Variants in SIDT1 observed in about 807,000 individuals in gnomAD.
SIDT1 encodes the protein SID1 transmembrane family, member 1.
SIDT1 carries 101 observed loss-of-function variants against 107.5 expected under a neutral mutation model. The observed-to-expected ratio is 0.94, with a 90% CI of 0.80 to 1.11. The LOEUF (loss-of-function observed/expected upper bound fraction) is 1.11. Among genes scored for constraint, SIDT1 ranks in the 50% least tolerant of loss-of-function variants. The probability of loss-of-function intolerance (pLI) is 0.00; values close to 1 mark genes in which losing one functional copy is unlikely to be tolerated. For missense variants in SIDT1, 1,076 were observed against 1,058.2 expected (o/e 1.02, Z -0.23); for synonymous variants, 395 against 398.2 (o/e 0.99, Z 0.10).
At chr3:113,550,438 T>C (rs1219098657) in intron 1 of SIDT1, among the ~76,000 whole-genome samples, 1 of 152,188 alleles carries the variant, frequency 6.6e-6, no homozygotes, top group East Asian at 1.9e-4. Context: ...AGAGTTCCAG[T>C]GGTGGAAATC....
chr3:113,603,481 C>T (rs1945107506), intron 12 of SIDT1, among the ~76,000 whole-genome samples: 1 of 152,104 alleles, frequency 6.6e-6, no homozygotes, highest in Non-Finnish European at 1.5e-5. Context: ...GGAAAGCTCC[C>T]CGGTTCTGTG....
intron 7 of SIDT1, among the ~76,000 whole-genome samples, chr3:113,584,188 G>C (rs1300672755): frequency 6.6e-6 from 1 of 152,132 alleles, no homozygotes; most frequent in Admixed American, 6.5e-5. Context: ...TTAATGTTTA[G>C]GTGAAATTTC....
rs1393970859 is a variant in SIDT1 at position 113,593,193 on chromosome 3, G to A, written c.1045+145G>A. 4 of 759,940 alleles carry A rather than the reference G, an allele frequency of 5.3e-6. No homozygotes were observed. In the Admixed American group the frequency reaches 5.8e-5, roughly 11 times the overall value. 47.1% of individuals were successfully genotyped at this position (759,940 alleles called of 1,614,324 possible). A position where few individuals can be genotyped will look rare whatever the true frequency, so the allele number is the denominator to read the frequency against. On this transcript the variant is annotated intron_variant, in intron 10 of 24. Coordinates refer to ENST00000264852, the MANE Select transcript of SIDT1 (RefSeq NM_017699.3). ...CCGCAGAGTAGTCTAGCCTGCAGTT[G>A]GAAAGCAAAGCTAGTGAAAACCAAT...
At chr3:113,579,591 A>T (rs559317431) in intron 4 of SIDT1, among the ~76,000 whole-genome samples, 1 of 152,224 alleles carries the variant, frequency 6.6e-6, no homozygotes, top group South Asian at 2.1e-4. Context: ...TTCTGAGATA[A>T]TTTTTCCCCA....
intron 1 of SIDT1, among the ~76,000 whole-genome samples, chr3:113,543,463 G>A (rs1939183854): frequency 6.6e-6 from 1 of 152,102 alleles, no homozygotes; most frequent in Non-Finnish European, 1.5e-5. Flanking sequence ...CCTTTCGTCT[G>A]CTTCTACCCA....
Position 113,580,996 on chromosome 3 carries a change from G to A in SIDT1, c.663+287G>A, listed in dbSNP as rs542334487. On this transcript the variant is annotated intron_variant, in intron 5 of 24. Coordinates refer to ENST00000264852, the MANE Select transcript of SIDT1 (RefSeq NM_017699.3). ...AACAAGGAACCAGGAAGACCAAGTT[G>A]TGGGCTCCGCGAGAAAGCTAAAATT... 2.0e-5 allele frequency among the ~76,000 whole-genome samples: 3 copies of A among 152,296 alleles called. No individual in the cohort carries two copies. The South Asian group carries it at 6.2e-4, about 32-fold the overall frequency.
chr3:113,569,477 T>C (rs1438477695), intron 3 of SIDT1, among the ~76,000 whole-genome samples: 3 of 152,226 alleles, frequency 2.0e-5, no homozygotes, highest in Non-Finnish European at 4.4e-5. Flanking sequence ...TCTCCTTAAA[T>C]TTAAGGCAGT....
At chr3:113,603,231 C>G (rs1945088918) in intron 12 of SIDT1, 81 bp downstream of exon 12, 13 of 1,429,316 alleles carry the variant, frequency 9.1e-6, no homozygotes, top group Middle Eastern at 1.8e-4. Flanking sequence ...CCTCAGTTTC[C>G]TTTATTTTGT....
At chr3:113,561,030 T>C (rs1463600879) in intron 1 of SIDT1, among the ~76,000 whole-genome samples, 1 of 152,206 alleles carries the variant, frequency 6.6e-6, no homozygotes, top group Non-Finnish European at 1.5e-5. Flanking sequence ...AGTGTTCTTG[T>C]TGTCATGACA....
rs555216128 is a variant in SIDT1, at chr3:113,626,242, CT to C, written c.2421+30del. ...TGAGTTCATATCTATCTTTTTGTGA[CT>C]TTCTTCTCTCTTTACATCTTGTACT... On this transcript the variant is annotated intron_variant, in intron 24 of 24. Transcript: ENST00000264852. 2.8e-6 allele frequency: 4 copies of C among 1,453,472 alleles called. No individual in the cohort carries two copies. The South Asian group carries it at 4.6e-5, about 17-fold the overall frequency. The allele number at this position is 1,453,472 out of a possible 1,614,324, so 90.0% of individuals were successfully genotyped here. A position where few individuals can be genotyped will look rare whatever the true frequency, so the allele number is the denominator to read the frequency against.
Position 113,623,626 on chromosome 3 carries a change from C to G in SIDT1, c.2200C>G (p.Arg734Gly). The change falls in exon 23 of 25, where the codon CGC (arginine) becomes GGC (glycine). Residue 734 changes from arginine to glycine, a missense_variant. Arg to Gly is a moderately radical substitution (Grantham distance 125). Transcript: ENST00000264852. ...GCATCTGCTTCTCCTCCCACAGCTC[C>G]GCAGCTCTGAAAAGGTCCTCCCAGT... ...YLAFYIIMKL[R>G]SSEKVLPVPL... is the part of the protein sequence containing the mutation. 1 of 1,613,232 alleles carries G rather than the reference C, an allele frequency of 6.2e-7. No individual in the cohort carries two copies. The highest frequency in any genetic ancestry group is 8.5e-7 in the Non-Finnish European group (1 of 1,179,222).
intron 10 of SIDT1, among the ~76,000 whole-genome samples, chr3:113,598,375 C>T (rs1322697736): frequency 6.6e-6 from 1 of 152,190 alleles, no homozygotes; most frequent in African/African-American, 2.4e-5. Context: ...TTTGATTACA[C>T]ACACAGACAG....
intron 1 of SIDT1, among the ~76,000 whole-genome samples, chr3:113,533,685 G>A (rs1008119011): frequency 1.3e-5 from 2 of 152,214 alleles, no homozygotes; most frequent in African/African-American, 4.8e-5. Flanking sequence ...CGCATGGGGA[G>A]GGAGAACTGC....
rs1400941362 is a variant in SIDT1, at chr3:113,580,621, A to G, written c.575A>G (p.Lys192Arg). The G allele has an allele frequency of 6.2e-7, 1 of 1,602,482 alleles. No individual in the cohort carries two copies. The highest frequency in any genetic ancestry group is 1.7e-5 in the Admixed American group (1 of 59,990). ...TCTTATTCTCAGTATTTTCTATACA[A>G]GTTTCCCAAAGACGTGGACTCAGTT... ...SPSQPQYFLY[K>R]FPKDVDSVII... The change falls in exon 5 of 25, where the codon AAG (lysine) becomes AGG (arginine). Residue 192 changes from lysine (K) to arginine (R), a missense_variant. By Grantham distance (26) the Lys-to-Arg change is conservative. Transcript: ENST00000264852.
intron 23 of SIDT1, among the ~76,000 whole-genome samples, chr3:113,625,369 C>G (rs367945827): frequency 1.3e-5 from 2 of 152,130 alleles, no homozygotes; most frequent in South Asian, 2.1e-4. Flanking sequence ...AAACTCCTGA[C>G]CTTAGGCGAT....
At position 113,568,525 on chromosome 3, in the gene SIDT1, C is replaced by T. The variant is rs180761151; in HGVS notation, c.515+815C>T. ...AGGAGAATGGCATGAACCTGGGAGG[C>T]GGAGCTTGCAGTGAGCCGAGATCGC... On this transcript the variant is annotated intron_variant, in intron 3 of 24. Transcript: ENST00000264852. Among the ~76,000 whole-genome samples the T allele has an allele frequency of 1.4e-3, 203 of 149,470 alleles. 1 individual carries two copies. The highest frequency in any genetic ancestry group is 4.7e-3 in the African/African-American group (192 of 40,624).
chr3:113,608,079 C>T lies in SIDT1; in HGVS notation c.1479-15C>T. The T allele has an allele frequency of 6.4e-7, 1 of 1,571,266 alleles. No homozygotes were observed. Among genetic ancestry groups the T allele is most frequent in the Non-Finnish European group, 8.6e-7 (1 of 1,160,870 alleles). On this transcript the variant is annotated splice_polypyrimidine_tract_variant and intron_variant, in intron 15 of 24. Transcript: ENST00000264852. ...TGGTCTTGACTCTCTCATGGTCTCT[C>T]ACTCATCCCTGTAGTGCCTTCAACA... is the stretch of plus-strand genomic sequence containing the variant.
chr3:113,544,767 G>A (rs1054415417), intron 1 of SIDT1, among the ~76,000 whole-genome samples: 3 of 152,044 alleles, frequency 2.0e-5, no homozygotes, highest in African/African-American at 7.2e-5. Context: ...AATTAAAATG[G>A]TTTCTCCCAG....
At chr3:113,636,863 G>A in the SIDT1 span, among the ~76,000 whole-genome samples, 2 of 152,206 alleles carry the variant, frequency 1.3e-5, no homozygotes, top group Non-Finnish European at 2.9e-5. Context: ...AGTCTCACAT[G>A]CAGGAGAGGC....
Sources: gnomAD v4.1 joint callset for allele counts (sites outside exome capture counted in the v4.1 genomes callset) on GRCh38, gnomAD v4.1.1 for gene constraint, MANE v1.5 for transcripts, NCBI Gene and HGNC (gene_info 2026-07-23, HGNC 2026-07-21) for gene names.